EXD3: variants seen among roughly 807,000 people sequenced by gnomAD.
EXD3 encodes the protein exonuclease 3'-5' domain containing 3, also known as exonuclease mut-7 homolog.
Under a neutral mutation model 98.0 loss-of-function variants are expected in EXD3, and 92 were observed. The ratio of observed to expected loss-of-function variants is 0.94; its 90% confidence interval spans 0.79 to 1.12. The LOEUF is 1.12. EXD3 is among the 50% of genes most tolerant of loss of function. The probability of loss-of-function intolerance (pLI) is 0.00; values close to 1 mark genes in which losing one functional copy is unlikely to be tolerated. For synonymous variants in EXD3, 569 were observed against 526.0 expected, an observed-to-expected ratio of 1.08 and a Z score of -1.12; for missense variants, 1,222 against 1,191.6, an observed-to-expected ratio of 1.03 and a Z score of -0.38.
intron 1 of EXD3, among the ~76,000 whole-genome samples, chr9:137,415,247 A>C (rs1033183253): frequency 6.7e-6 from 1 of 149,470 alleles, no homozygotes; most frequent in Non-Finnish European, 1.5e-5. Context: ...TCTGTTGCCC[A>C]GGCTGGAGTG....
At chr9:137,377,452 A>G (rs1835968469) in intron 3 of EXD3, among the ~76,000 whole-genome samples, 1 of 151,138 alleles carries the variant, frequency 6.6e-6, no homozygotes, top group South Asian at 2.1e-4. Flanking sequence ...CTCTAAAAAA[A>G]AAAAAAAAAA....
chr9:137,355,485 AGGAGGAT>A (rs1564508231), intron 8 of EXD3, among the ~76,000 whole-genome samples: 2,945 of 61,968 alleles, frequency 0.048, 68 homozygotes, highest in Admixed American at 0.084. Context: ...GGAAGGAGGA[AGGAGGAT>A]GGAGGAAGGA....
rs181233187 is a variant in EXD3 at position 137,400,476 on chromosome 9, C to A, written c.-47-5072G>T. The stretch of plus-strand genomic sequence containing the variant: ...GGGTACAGGTATTCAGTACATACAG[C>A]CATTCTGGGCCGGGCATGGTGGCTC... On this transcript the variant is annotated intron_variant, in intron 1 of 21. Coordinates refer to ENST00000340951, the MANE Select transcript of EXD3 (RefSeq NM_017820.5). Among the ~76,000 whole-genome samples the A allele has an allele frequency of 5.9e-5, 9 of 152,274 alleles. No homozygotes were observed. The East Asian group carries it at 1.7e-3, about 29-fold the overall frequency.
intron 17 of EXD3, among the ~76,000 whole-genome samples, chr9:137,338,682 C>T (rs1276334556): frequency 6.7e-6 from 1 of 148,864 alleles, no homozygotes; most frequent in South Asian, 2.1e-4. Context: ...GTCAGGAGAT[C>T]GAGACCATCC....
At chr9:137,348,001 G>T in intron 17 of EXD3, 70 bp downstream of exon 17, 3 of 1,495,906 alleles carry the variant, frequency 2.0e-6, no homozygotes, top group Non-Finnish European at 2.7e-6. Flanking sequence ...TTTGATGCTA[G>T]GGGTGGGCAC....
chr9:137,405,509 A>G lies in EXD3; in HGVS notation c.-47-10105T>C, dbSNP rs1837674373. ...CGTCCCCAGCCACTCACCCGTCCCC[A>G]GCATCCACAGTTTCTCAGGCTCTCA... On this transcript the variant is annotated intron_variant, in intron 1 of 21. Transcript: ENST00000340951. This position sits in a 1 kb window ranked among gnomAD's most constrained non-coding sequence, Gnocchi z 4.1. Among the ~76,000 whole-genome samples, 1 of 152,178 alleles carries G rather than the reference A, an allele frequency of 6.6e-6. No homozygotes were observed.
At chr9:137,332,652 GCT>G (rs1833139090) in intron 17 of EXD3, among the ~76,000 whole-genome samples, 1 of 151,710 alleles carries the variant, frequency 6.6e-6, no homozygotes, top group Non-Finnish European at 1.5e-5. Context: ...GACCATCCTG[GCT>G]AAAACAGTGA....
intron 16 of EXD3, 22 bp from the exon 17 acceptor site, chr9:137,348,260 C>T (rs1256541028): frequency 1.2e-6 from 2 of 1,605,472 alleles, no homozygotes; most frequent in East Asian, 2.2e-5. Context: ...CCCTGGTCAG[C>T]AGTCCCACGG....
Position 137,393,287 on chromosome 9 carries a change from C to G in EXD3, c.55+2016G>C. 1.4e-6 allele frequency: 1 copy of G among 699,740 alleles called. No homozygotes were observed. Among genetic ancestry groups the G allele is most frequent in the Non-Finnish European group, 2.6e-6 (1 of 383,270 alleles). The allele number at this position is 699,740 out of a possible 1,614,324, so 43.3% of individuals were successfully genotyped here. A position where few individuals can be genotyped will look rare whatever the true frequency, so the allele number is the denominator to read the frequency against. On this transcript the variant is annotated intron_variant, in intron 2 of 21. Coordinates refer to ENST00000340951, the MANE Select transcript of EXD3 (RefSeq NM_017820.5). This position sits in a 1 kb window ranked among gnomAD's most constrained non-coding sequence, Gnocchi z 4.6. Reference sequence around the variant, plus strand: ...TGAGGCGAACCCAGGGTCCCATGCGCTCCCCGGCCCTGACGGCGGTCTCCA... The same window carrying G: ...TGAGGCGAACCCAGGGTCCCATGCGGTCCCCGGCCCTGACGGCGGTCTCCA...
chr9:137,408,546 C>CAAAAAAAAAAAAAAAAA lies in EXD3; in HGVS notation c.-47-13159_-47-13143dup, dbSNP rs570243090. On this transcript the variant is annotated intron_variant, in intron 1 of 21. Transcript: ENST00000340951. ...TGGGCGATAGAGTGAGACTCTGCCTCAAAAAAAAAAAAAAAAAAAGAGGGC... is the reference window on the plus strand; with the variant it reads ...TGGGCGATAGAGTGAGACTCTGCCTCAAAAAAAAAAAAAAAAAAAAAAAAAAAAAAAAAAAAGAGGGC... Among the ~76,000 whole-genome samples the CAAAAAAAAAAAAAAAAA allele has an allele frequency of 7.9e-4, 35 of 44,478 alleles. 3 individuals are homozygous for CAAAAAAAAAAAAAAAAA. Among genetic ancestry groups the CAAAAAAAAAAAAAAAAA allele is most frequent in the African/African-American group, 1.8e-3 (17 of 9,356 alleles). 29.2% of individuals were successfully genotyped at this position (44,478 alleles called of 152,430 possible).
In EXD3 at chr9:137,387,885, A is replaced by T. The variant is rs989251346; in HGVS notation, c.56-4508T>A. Among the ~76,000 whole-genome samples, 20 of 152,304 alleles carry T rather than the reference A, an allele frequency of 1.3e-4. No homozygotes were observed. The East Asian group carries it at 3.5e-3, about 27-fold the overall frequency. On this transcript the variant is annotated intron_variant, in intron 2 of 21. Transcript: ENST00000340951. The stretch of plus-strand genomic sequence containing the variant: ...GCCCCCACCTCCACACCCAGGCCCA[A>T]GTTCCCTGAATTCGCCAAGTTCATC...
At chr9:137,370,304 G>A (rs923355706) in intron 5 of EXD3, among the ~76,000 whole-genome samples, 1 of 152,184 alleles carries the variant, frequency 6.6e-6, no homozygotes, top group Non-Finnish European at 1.5e-5. Flanking sequence ...CACTGTCCAT[G>A]CCTGGCCACT....
At chr9:137,332,018 A>C (rs560251874) in intron 17 of EXD3, among the ~76,000 whole-genome samples, 2 of 152,288 alleles carry the variant, frequency 1.3e-5, no homozygotes, top group South Asian at 4.1e-4. Context: ...CAAACCTAGG[A>C]ATGTACTTAA....
At chr9:137,378,189 G>C (rs929078246) in intron 3 of EXD3, among the ~76,000 whole-genome samples, 1 of 151,638 alleles carries the variant, frequency 6.6e-6, no homozygotes, top group Admixed American at 6.6e-5. Context: ...GTTTCCCAAA[G>C]ATTTATTTGT....
chr9:137,313,974 C>T (rs1395768875), intron 19 of EXD3, among the ~76,000 whole-genome samples: 6 of 152,256 alleles, frequency 3.9e-5, no homozygotes, highest in African/African-American at 7.2e-5. Flanking sequence ...GGGATGCTGG[C>T]GGGGGTCGCC....
chr9:137,331,580 ATG>A (rs1833064724), intron 17 of EXD3, among the ~76,000 whole-genome samples: 1 of 152,200 alleles, frequency 6.6e-6, no homozygotes, highest in African/African-American at 2.4e-5. Flanking sequence ...TACAAAATAA[ATG>A]TGCACAAATC....
In EXD3 at chr9:137,323,997, C is replaced by T. The variant is rs534169471; in HGVS notation, c.2052+93G>A. 716 of 1,531,576 alleles carry T rather than the reference C, an allele frequency of 4.7e-4. 12 individuals carry two copies. In the South Asian group the frequency reaches 7.1e-3, roughly 15 times the overall value. The allele number at this position is 1,531,576 out of a possible 1,614,324, so 94.9% of individuals were successfully genotyped here. ...GCAGAGGCGCTGGGGGTCGGCCCCA[C>T]GGCAAGCTGACCCTGAGGTGGGGGT... On this transcript the variant is annotated intron_variant, in intron 18 of 21. Coordinates refer to ENST00000340951, the MANE Select transcript of EXD3 (RefSeq NM_017820.5).
intron 17 of EXD3, among the ~76,000 whole-genome samples, chr9:137,346,187 C>T (rs777038826): frequency 2.3e-5 from 3 of 128,400 alleles, no homozygotes; most frequent in Admixed American, 1.0e-4. Context: ...TGCAGTGAGC[C>T]GAGATCGCAC....
At chr9:137,355,728 A>AGGAGGAAG (rs1312685212) in intron 8 of EXD3, among the ~76,000 whole-genome samples, 12 of 132,450 alleles carry the variant, frequency 9.1e-5, no homozygotes, top group African/African-American at 1.7e-4. Flanking sequence ...GGAAGGAGGA[A>AGGAGGAAG]GGAGGACCTA....
Sources: gnomAD v4.1 joint callset for allele counts (sites outside exome capture counted in the v4.1 genomes callset) on GRCh38, gnomAD v4.1.1 for gene constraint, Gnocchi (gnomAD v3.1) non-coding constraint, MANE v1.5 for transcripts, NCBI Gene and HGNC (gene_info 2026-07-23, HGNC 2026-07-21) for gene names.